The following NKAIN3 variants were observed in gnomAD, a reference collection of about 807,000 sequenced individuals.
The protein encoded by NKAIN3 is sodium/potassium-transporting ATPase subunit beta-1-interacting protein 3.
A neutral mutation model predicts 30.2 loss-of-function variants in NKAIN3; 25 were observed. The observed-to-expected ratio is 0.83, with a 90% CI of 0.60 to 1.16. The LOEUF (loss-of-function observed/expected upper bound fraction) is 1.16, where lower values mean the gene tolerates loss of function less well. Among genes scored for constraint, NKAIN3 ranks in the 50% most tolerant of loss-of-function variants. NKAIN3 has a pLI of 0.00. For missense variants in NKAIN3, 225 were observed against 254.1 expected (o/e 0.89, Z 0.78); for synonymous variants, 91 against 89.6 (o/e 1.02, Z -0.09).
intron 1 of NKAIN3, among the ~76,000 whole-genome samples, chr8:62,314,596 G>C (rs1362302533): frequency 1.3e-5 from 2 of 152,148 alleles, no homozygotes; most frequent in African/African-American, 4.8e-5. Context: ...GTGTTAGCCT[G>C]TACCACACAC....
At chr8:62,870,314 A>G (rs1820586178) in intron 4 of NKAIN3, among the ~76,000 whole-genome samples, 1 of 68,178 alleles carries the variant, frequency 1.5e-5, no homozygotes, top group African/African-American at 7.4e-5. Context: ...CTATATATAG[A>G]GAGATATATA....
chr8:62,357,373 C>T (rs1816395135), intron 1 of NKAIN3, among the ~76,000 whole-genome samples: 1 of 151,938 alleles, frequency 6.6e-6, no homozygotes, highest in African/African-American at 2.4e-5. Flanking sequence ...GAGATGGTGC[C>T]AGCGCACTCC....
chr8:62,848,554 T>A (rs1819760575), intron 4 of NKAIN3, among the ~76,000 whole-genome samples: 1 of 152,212 alleles, frequency 6.6e-6, no homozygotes, highest in South Asian at 2.1e-4. Flanking sequence ...GCTTATCAGC[T>A]TAAGAAGCTT....
At chr8:62,778,673 AC>A (rs1817262636) in intron 4 of NKAIN3, among the ~76,000 whole-genome samples, 1 of 151,756 alleles carries the variant, frequency 6.6e-6, no homozygotes, top group East Asian at 1.9e-4. Context: ...GGAATCAAAG[AC>A]CCCAAGTACC....
chr8:62,607,075 T>C (rs893248814), intron 3 of NKAIN3, among the ~76,000 whole-genome samples: 1 of 152,200 alleles, frequency 6.6e-6, no homozygotes, highest in Admixed American at 6.5e-5. Flanking sequence ...GACTGATTTG[T>C]TAACCATGTA....
chr8:62,894,459 G>A (rs891662057), intron 4 of NKAIN3, among the ~76,000 whole-genome samples: 4 of 152,004 alleles, frequency 2.6e-5, no homozygotes, highest in African/African-American at 4.8e-5. Flanking sequence ...GTGTTTTGTT[G>A]TTATTGTTTA....
At chr8:62,404,656 A>G (rs911622800) in intron 1 of NKAIN3, among the ~76,000 whole-genome samples, 5 of 152,128 alleles carry the variant, frequency 3.3e-5, no homozygotes, top group African/African-American at 4.8e-5. Context: ...CTGCAGAACC[A>G]TAAGTCAATT....
chr8:62,919,227 A>ATTTTTTTTTTTTTTTTTT (rs71255371), intron 5 of NKAIN3, among the ~76,000 whole-genome samples: 4 of 47,188 alleles, frequency 8.5e-5, no homozygotes, highest in Admixed American at 4.3e-4. Flanking sequence ...TACTTTCAAA[A>ATTTTTTTTTTTTTTTTTT]TTTTTTTTTT....
chr8:62,588,558 A>G (rs1054058845), intron 2 of NKAIN3, among the ~76,000 whole-genome samples: 6 of 151,818 alleles, frequency 4.0e-5, no homozygotes, highest in African/African-American at 1.4e-4. Flanking sequence ...TGAATTTCAT[A>G]AATAGTTAAA....
intron 1 of NKAIN3, among the ~76,000 whole-genome samples, chr8:62,346,134 A>T (rs927673464): frequency 1.3e-5 from 2 of 152,102 alleles, no homozygotes; most frequent in Admixed American, 1.3e-4. Flanking sequence ...TTAGCCAGGA[A>T]GAATATGTTC....
chr8:62,494,247 T>A (rs1016170993), intron 1 of NKAIN3, among the ~76,000 whole-genome samples: 7 of 152,238 alleles, frequency 4.6e-5, no homozygotes, highest in Non-Finnish European at 7.3e-5. Context: ...TTGAATTTTA[T>A]GGAAAGCCTT....
intron 1 of NKAIN3, among the ~76,000 whole-genome samples, chr8:62,331,053 C>T (rs1815334326): frequency 7.0e-6 from 1 of 143,500 alleles, no homozygotes; most frequent in African/African-American, 2.6e-5. Flanking sequence ...TCCTCTTCTA[C>T]CTCCTCCTCC....
At position 62,375,387 on chromosome 8, in the gene NKAIN3, A is replaced by C. The variant is rs553961598; in HGVS notation, c.54+126260A>C. ...GAAACCCACTGATAGCACACCCTGG[A>C]AATGAGTAAATCTGAACCACAGGCC... is the stretch of plus-strand genomic sequence containing the variant. On this transcript the variant is annotated intron_variant, in intron 1 of 6. Coordinates refer to ENST00000623646, the MANE Select transcript of NKAIN3 (RefSeq NM_001304533.3). Among the ~76,000 whole-genome samples the C allele has an allele frequency of 2.0e-5, 3 of 152,314 alleles. No homozygotes were observed. The East Asian group carries it at 5.8e-4, about 29-fold the overall frequency.
chr8:62,714,645 T>A (rs1362040516), intron 3 of NKAIN3, among the ~76,000 whole-genome samples: 2 of 152,210 alleles, frequency 1.3e-5, no homozygotes, highest in Non-Finnish European at 2.9e-5. Flanking sequence ...ATTTAATGAA[T>A]ACAAGCTATG....
intron 4 of NKAIN3, among the ~76,000 whole-genome samples, chr8:62,768,822 C>G (rs1428751960): frequency 6.6e-6 from 1 of 152,104 alleles, no homozygotes; most frequent in Non-Finnish European, 1.5e-5. Context: ...TGGAATGCAG[C>G]AGACTGTTAT....
In NKAIN3 at chr8:62,923,334, A is replaced by C. The variant is rs28576282; in HGVS notation, c.532+4821A>C. Among the ~76,000 whole-genome samples, 1,288 of 152,254 alleles carry C rather than the reference A, an allele frequency of 8.5e-3. 23 individuals are homozygous for C. The highest frequency in any genetic ancestry group is 0.03 in the African/African-American group (1,244 of 41,524). ...AGGGAGACGCTGTCTCAAAAAAAAA[A>C]TAAGAAAAAGAAATATTTGTTGAGT... On this transcript the variant is annotated intron_variant, in intron 5 of 6. Coordinates refer to ENST00000623646, the MANE Select transcript of NKAIN3 (RefSeq NM_001304533.3).
chr8:62,851,152 T>C (rs1378444748), intron 4 of NKAIN3, among the ~76,000 whole-genome samples: 1 of 152,160 alleles, frequency 6.6e-6, no homozygotes, highest in Non-Finnish European at 1.5e-5. Context: ...TTTGTAGTTC[T>C]CCTTGAAGAG....
chr8:62,862,376 A>G lies in NKAIN3; in HGVS notation c.472-56077A>G, dbSNP rs1820275912. Among the ~76,000 whole-genome samples the G allele has an allele frequency of 2.0e-5, 3 of 152,166 alleles. No homozygotes were observed. In the South Asian group the frequency reaches 6.2e-4, roughly 32 times the overall value. ...CAATATCACATAGAAAATCATGATT[A>G]TTTGTAGGTAAAACAAAGTGAAAAC... On this transcript the variant is annotated intron_variant, in intron 4 of 6. Transcript: ENST00000623646.
intron 1 of NKAIN3, among the ~76,000 whole-genome samples, chr8:62,436,840 G>A (rs1162297077): frequency 1.3e-5 from 2 of 152,036 alleles, no homozygotes; most frequent in Admixed American, 6.6e-5. Flanking sequence ...ACTGGACTTC[G>A]CACAAGTAAA....
Sources: gnomAD v4.1 joint callset for allele counts (sites outside exome capture counted in the v4.1 genomes callset) on GRCh38, gnomAD v4.1.1 for gene constraint, MANE v1.5 for transcripts, NCBI Gene and HGNC (gene_info 2026-07-23, HGNC 2026-07-21) for gene names.